SLC9A5: variants seen among roughly 807,000 people sequenced by gnomAD.
SLC9A5 encodes sodium/hydrogen exchanger 5.
A neutral mutation model predicts 91.7 loss-of-function variants in SLC9A5; 52 were observed. That is an observed-to-expected ratio of 0.57 (90% CI 0.45 to 0.71). SLC9A5 has a LOEUF of 0.71. Ranked by LOEUF, SLC9A5 falls within the 30% of genes least tolerant of loss-of-function variation. SLC9A5 has a pLI of 0.00. For synonymous variants in SLC9A5, 419 were observed against 474.5 expected (o/e 0.88, Z 1.52); for missense variants, 871 against 1,158.9 (o/e 0.75, Z 3.61).
At position 67,257,344 on chromosome 16, in the gene SLC9A5, G is replaced by A; in HGVS notation, c.1336-1G>A. ...AGGGCTCACCTCCTGCCTGTCCATA[G>A]GGCTTGACCATCAAGCCACTGGTCA... On this transcript the variant is annotated splice_acceptor_variant, in intron 7 of 15. Transcript: ENST00000299798. LOFTEE classifies it high-confidence loss of function. The surrounding 1 kb of genome is among the most constrained non-coding windows in gnomAD (Gnocchi z 5.1). 1 of 1,612,986 alleles carries A rather than the reference G, an allele frequency of 6.2e-7. No individual in the cohort carries two copies. Among genetic ancestry groups the A allele is most frequent in the Non-Finnish European group, 8.5e-7 (1 of 1,178,928 alleles).
rs397932908 is a variant in SLC9A5, at chr16:67,260,354, C to CAAAAAAAAAAAAAAAAA, written c.1842+415_1842+431dup. Among the ~76,000 whole-genome samples the CAAAAAAAAAAAAAAAAA allele has an allele frequency of 9.6e-3, 322 of 33,414 alleles. 37 individuals carry two copies. Among genetic ancestry groups the CAAAAAAAAAAAAAAAAA allele is most frequent in the African/African-American group, 0.046 (235 of 5,150 alleles). The allele number at this position is 33,414 out of a possible 152,430, so 21.9% of individuals were successfully genotyped here. A position where few individuals can be genotyped will look rare whatever the true frequency, so the allele number is the denominator to read the frequency against. On this transcript the variant is annotated intron_variant, in intron 12 of 15. Coordinates refer to ENST00000299798, the MANE Select transcript of SLC9A5 (RefSeq NM_004594.3). ...TGGGTAACAGAGCAAGACTCCATCT[C>CAAAAAAAAAAAAAAAAA]AAAAAAAAAAAAAAAAAAAAAAAGA...
At chr16:67,269,207 T>C (rs1431928782) in intron 15 of SLC9A5, among the ~76,000 whole-genome samples, 1 of 152,002 alleles carries the variant, frequency 6.6e-6, no homozygotes, top group African/African-American at 2.4e-5. Context: ...GCAGATCACC[T>C]GAGGTCAGGA....
chr16:67,260,232 G>A (rs899368346), intron 12 of SLC9A5, among the ~76,000 whole-genome samples: 2 of 151,896 alleles, frequency 1.3e-5, no homozygotes, highest in Admixed American at 6.6e-5. Flanking sequence ...GCACATGCCT[G>A]TAATCCCAGC....
chr16:67,265,054 G>A lies in SLC9A5; in HGVS notation c.2028G>A (p.Ala676=), dbSNP rs761694352. 48 of 1,614,000 alleles carry A rather than the reference G, an allele frequency of 3.0e-5. No individual in the cohort carries two copies. Among genetic ancestry groups the A allele is most frequent in the South Asian group, 6.6e-5 (6 of 91,088 alleles). The part of the protein sequence containing the change: ...KTGRRKKDGV[A]NAEATNGKHR... ...TTGGTCCTCAGAAGGATGGTGTGGC[G>A]AATGCTGAGGCTACAAATGGGAAAC... Residue 676 remains alanine (A), a synonymous_variant, in exon 14 of 16, where the codon GCG becomes GCA. Coordinates refer to ENST00000299798, the MANE Select transcript of SLC9A5 (RefSeq NM_004594.3).
chr16:67,258,398 A>G lies in SLC9A5; in HGVS notation c.1577A>G (p.Asp526Gly). ...SAYRIRDQIW[D>G]VYYRLNIRDA... ...TACCGCATCCGGGACCAGATCTGGGATGTGTACTACAGGCTTAACATCCGG... is the reference window on the plus strand; with the variant it reads ...TACCGCATCCGGGACCAGATCTGGGGTGTGTACTACAGGCTTAACATCCGG... The change falls in exon 10 of 16, where the codon GAT becomes GGT. Residue 526 changes from aspartate to glycine, a missense_variant. Physicochemically the swap from Asp to Gly is moderately conservative, Grantham distance 94 (BLOSUM62 -1). Transcript: ENST00000299798. This position sits in a 1 kb window ranked among gnomAD's most constrained non-coding sequence, Gnocchi z 4.5. The G allele has an allele frequency of 1.2e-6, 2 of 1,614,192 alleles. No homozygotes were observed. The highest frequency in any genetic ancestry group is 1.7e-6 in the Non-Finnish European group (2 of 1,180,028).
chr16:67,268,745 C>CCTATAG (rs1427467682), intron 15 of SLC9A5, among the ~76,000 whole-genome samples: 3 of 117,194 alleles, frequency 2.6e-5, no homozygotes, highest in Non-Finnish European at 5.1e-5. Flanking sequence ...TCCCTTTTAA[C>CCTATAG]CTATAGCAGT....
chr16:67,268,046 C>T (rs2035775816), intron 15 of SLC9A5, among the ~76,000 whole-genome samples: 1 of 152,014 alleles, frequency 6.6e-6, no homozygotes, highest in Admixed American at 6.6e-5. Context: ...TGGTCTCTCT[C>T]TGTCACCCAG....
chr16:67,260,715 C>T (rs1170056267), intron 12 of SLC9A5, among the ~76,000 whole-genome samples: 1 of 152,178 alleles, frequency 6.6e-6, no homozygotes, highest in Non-Finnish European at 1.5e-5. Flanking sequence ...CTGAGGAAGC[C>T]TCCTAGACCA....
chr16:67,263,817 G>A (rs2035611783), intron 12 of SLC9A5: 1 of 155,092 alleles, frequency 6.4e-6, no homozygotes, highest in Non-Finnish European at 1.4e-5. Context: ...GATGATGGGG[G>A]TGATCCTGAA....
At chr16:67,253,303 T>C (rs1209437298) in intron 2 of SLC9A5, among the ~76,000 whole-genome samples, 2 of 151,986 alleles carry the variant, frequency 1.3e-5, no homozygotes, top group African/African-American at 4.8e-5. Flanking sequence ...ATTTTAAACA[T>C]TTATTTTTTT....
At chr16:67,251,734 G>C (rs1172164913) in intron 1 of SLC9A5, among the ~76,000 whole-genome samples, 1 of 151,830 alleles carries the variant, frequency 6.6e-6, no homozygotes, top group African/African-American at 2.4e-5. Context: ...CTTTTTTAAT[G>C]GTCACAATAA....
chr16:67,266,464 T>C (rs2142382826), intron 15 of SLC9A5, among the ~76,000 whole-genome samples: 1 of 152,304 alleles, frequency 6.6e-6, no homozygotes, highest in Middle Eastern at 3.4e-3. Context: ...TTGTCCAGCA[T>C]CACATAGTAG....
intron 12 of SLC9A5, chr16:67,263,835 G>T (rs2035612322): frequency 6.3e-6 from 1 of 157,562 alleles, no homozygotes; most frequent in Non-Finnish European, 1.4e-5. Context: ...GAATTATTGG[G>T]ACTGAGAAGG....
At chr16:67,264,942 G>C in intron 13 of SLC9A5, 98 bp from the exon 14 acceptor site, 1 of 1,255,036 alleles carries the variant, frequency 8.0e-7, no homozygotes, top group Non-Finnish European at 1.2e-6. Flanking sequence ...TCCCTCCCCT[G>C]CTGGGTTAGG....
chr16:67,254,200 T>C (rs897272853), intron 2 of SLC9A5, among the ~76,000 whole-genome samples: 4 of 152,204 alleles, frequency 2.6e-5, no homozygotes, highest in Admixed American at 2.6e-4. Flanking sequence ...TCAAGTCCGA[T>C]CTGTGTTGCT....
chr16:67,255,097 G>C lies in SLC9A5; in HGVS notation c.567G>C (p.Val189=). 2 of 1,614,070 alleles carry C rather than the reference G, an allele frequency of 1.2e-6. No homozygotes were observed. Among genetic ancestry groups the C allele is most frequent in the Non-Finnish European group, 1.7e-6 (2 of 1,180,002 alleles). The change falls in exon 3 of 16, where the codon GTG becomes GTC. Residue 189 remains valine, a synonymous_variant. Transcript: ENST00000299798. The surrounding 1 kb of genome is among the most constrained non-coding windows in gnomAD (Gnocchi z 4.9). ...SLISAVDPVA[V]LAVFEEVHVN... Reference sequence around the variant, plus strand: ...TCTCGGCGGTGGACCCCGTGGCCGTGCTAGCTGTCTTTGAGGAGGTGCACG... The same window carrying C: ...TCTCGGCGGTGGACCCCGTGGCCGTCCTAGCTGTCTTTGAGGAGGTGCACG...
Position 67,258,548 on chromosome 16 carries a change from T to G in SLC9A5, c.1626+101T>G, listed in dbSNP as rs536227209. ...AGCAGGCTGGCCCTGAGCAGGGAGT[T>G]GGGAATTCCTAGCTGGCTCCATGGT... is the stretch of plus-strand genomic sequence containing the variant. On this transcript the variant is annotated intron_variant, in intron 10 of 15. Transcript: ENST00000299798. This position sits in a 1 kb window ranked among gnomAD's most constrained non-coding sequence, Gnocchi z 4.5. 58 of 1,395,150 alleles carry G rather than the reference T, an allele frequency of 4.2e-5. No individual in the cohort carries two copies. The highest frequency in any genetic ancestry group is 2.4e-4 in the Middle Eastern group (1 of 4,184). 86.4% of individuals were successfully genotyped at this position (1,395,150 alleles called of 1,614,324 possible). A position where few individuals can be genotyped will look rare whatever the true frequency, so the allele number is the denominator to read the frequency against.
At chr16:67,268,701 TATATA>T (rs2035820184) in intron 15 of SLC9A5, among the ~76,000 whole-genome samples, 2 of 94,686 alleles carry the variant, frequency 2.1e-5, no homozygotes, top group African/African-American at 4.5e-5. Context: ...TATATATATA[TATATA>T]TATATTTTTA....
intron 12 of SLC9A5, chr16:67,262,322 A>T (rs888695488): frequency 2.2e-6 from 1 of 454,820 alleles, no homozygotes; most frequent in African/African-American, 2.0e-5. Context: ...GAATCCACTT[A>T]GTATGATAAC....
Sources: allele counts gnomAD v4.1 joint callset (sites outside exome capture counted in the v4.1 genomes callset), GRCh38; gene constraint gnomAD v4.1.1; non-coding constraint Gnocchi (gnomAD v3.1); transcripts MANE v1.5; gene names NCBI Gene and HGNC (gene_info 2026-07-23, HGNC 2026-07-21).